Variants in ALPK1 observed in about 807,000 individuals in gnomAD.
ALPK1 encodes alpha kinase 1.
ALPK1 carries 110 observed loss-of-function variants against 120.6 expected under a neutral mutation model. The observed-to-expected ratio is 0.91, with a 90% CI of 0.78 to 1.07. The LOEUF (loss-of-function observed/expected upper bound fraction) is 1.07. Among genes scored for constraint, ALPK1 ranks in the 50% least tolerant of loss-of-function variants. ALPK1 has a pLI of 0.00. For synonymous variants in ALPK1, 582 were observed against 560.3 expected (o/e 1.04, Z -0.55); for missense variants, 1,498 against 1,483.9 (o/e 1.01, Z -0.16).
intron 3 of ALPK1, among the ~76,000 whole-genome samples, chr4:112,379,431 G>T (rs535900220): frequency 3.3e-5 from 5 of 152,252 alleles, no homozygotes; most frequent in Non-Finnish European, 7.3e-5. Flanking sequence ...CGACGGGGAA[G>T]GACGCCTCCT....
intron 5 of ALPK1, among the ~76,000 whole-genome samples, chr4:112,422,190 C>G (rs184409922): frequency 1.6e-4 from 25 of 152,312 alleles, no homozygotes; most frequent in Admixed American, 5.2e-4. Context: ...CAATTTAAAA[C>G]TTATGAATTG....
At chr4:112,408,232 T>A (rs1733285230) in intron 4 of ALPK1, among the ~76,000 whole-genome samples, 1 of 151,974 alleles carries the variant, frequency 6.6e-6, no homozygotes, top group Non-Finnish European at 1.5e-5. Context: ...ATAAGCAGGG[T>A]GGCAGGAATA....
chr4:112,346,943 T>C (rs115287417), intron 2 of ALPK1, among the ~76,000 whole-genome samples: 257 of 152,344 alleles, frequency 1.7e-3, no homozygotes, highest in African/African-American at 6.0e-3. Flanking sequence ...GGAGGAGATG[T>C]ATTTGCTTCC....
In ALPK1 at chr4:112,432,503, G is replaced by A. The variant is rs1231720298; in HGVS notation, c.2956G>A (p.Gly986Arg). 3.1e-6 allele frequency: 5 copies of A among 1,614,102 alleles called. No individual in the cohort carries two copies. Among genetic ancestry groups the A allele is most frequent in the Admixed American group, 1.7e-5 (1 of 60,008 alleles). ...QPDDFEKLLA[G>R]VRHDWLFQRL... ...TGATGACTTTGAAAAGCTGTTGGCAGGAGTGAGGCATGATTGGCTGTTTCA... is the reference window on the plus strand; with the variant it reads ...TGATGACTTTGAAAAGCTGTTGGCAAGAGTGAGGCATGATTGGCTGTTTCA... The change falls in exon 11 of 16, where the codon GGA becomes AGA. Residue 986 changes from glycine (G) to arginine (R), a missense_variant. By Grantham distance (125) the Gly-to-Arg change is moderately radical (BLOSUM62 -2). Coordinates refer to ENST00000650871, the MANE Select transcript of ALPK1 (RefSeq NM_025144.4).
chr4:112,359,061 C>A (rs1369523050), intron 2 of ALPK1: 7 of 756,454 alleles, frequency 9.3e-6, no homozygotes, highest in Non-Finnish European at 1.7e-5. Context: ...GCGGACACAG[C>A]CAGCCCTGGA....
intron 1 of ALPK1, among the ~76,000 whole-genome samples, chr4:112,313,519 T>C (rs150453952): frequency 0.046 from 7,010 of 152,266 alleles, 479 homozygotes; most frequent in African/African-American, 0.15. Context: ...GGTCAGGAGT[T>C]CGAGACCAGA....
chr4:112,437,100 A>G (rs1734818651), intron 12 of ALPK1, among the ~76,000 whole-genome samples: 1 of 152,194 alleles, frequency 6.6e-6, no homozygotes, highest in African/African-American at 2.4e-5. Flanking sequence ...CTAGGTACAC[A>G]GTAGTCAAAC....
At chr4:112,319,283 A>G (rs1017735746) in intron 2 of ALPK1, among the ~76,000 whole-genome samples, 3 of 152,122 alleles carry the variant, frequency 2.0e-5, no homozygotes, top group African/African-American at 7.2e-5. Flanking sequence ...AGAGAACATG[A>G]CCAAAGACTT....
chr4:112,390,250 C>A (rs759595449), intron 4 of ALPK1, among the ~76,000 whole-genome samples: 2 of 152,188 alleles, frequency 1.3e-5, no homozygotes, highest in Admixed American at 6.5e-5. Flanking sequence ...CACATAGCTG[C>A]TCTCCATTCC....
chr4:112,402,723 A>G (rs1732975698), intron 4 of ALPK1, among the ~76,000 whole-genome samples: 1 of 152,214 alleles, frequency 6.6e-6, no homozygotes, highest in East Asian at 1.9e-4. Context: ...ACATGATCAC[A>G]TAACAGGAAA....
chr4:112,370,145 G>A (rs1731337400), intron 2 of ALPK1, among the ~76,000 whole-genome samples: 1 of 152,096 alleles, frequency 6.6e-6, no homozygotes. Context: ...ATAATCCACT[G>A]GTTTGGTTAC....
intron 5 of ALPK1, chr4:112,423,657 C>G (rs1734099813): frequency 1.9e-6 from 1 of 529,920 alleles, no homozygotes; most frequent in Admixed American, 2.4e-5. Context: ...AAAAGTTTGC[C>G]TCTACTCCTC....
At chr4:112,359,737 G>A in intron 2 of ALPK1, 1 of 321,486 alleles carries the variant, frequency 3.1e-6, no homozygotes, top group Non-Finnish European at 6.1e-6. Flanking sequence ...GTATCTGAGT[G>A]GGGCCTCTAG....
At position 112,382,386 on chromosome 4, in the gene ALPK1, T is replaced by C; in HGVS notation, c.122-12T>C. On this transcript the variant is annotated splice_polypyrimidine_tract_variant and intron_variant, in intron 3 of 15. Transcript: ENST00000650871. ...GACTGCAATTTCCTTACCTGAACTC[T>C]GACCTTTTCAGCTTTACTCCCCAGC... 6.2e-7 allele frequency: 1 copy of C among 1,606,584 alleles called. No homozygotes were observed. The highest frequency in any genetic ancestry group is 1.1e-5 in the South Asian group (1 of 90,904).
intron 2 of ALPK1, among the ~76,000 whole-genome samples, chr4:112,320,544 T>C (rs1000104438): frequency 1.3e-5 from 2 of 152,210 alleles, no homozygotes; most frequent in Non-Finnish European, 2.9e-5. Flanking sequence ...GATGTTAGGA[T>C]GATATTGACT....
intron 2 of ALPK1, among the ~76,000 whole-genome samples, chr4:112,361,909 C>T (rs564567531): frequency 2.0e-5 from 3 of 152,366 alleles, no homozygotes; most frequent in African/African-American, 7.2e-5. Flanking sequence ...GATCACATCA[C>T]AGGACTCCGT....
chr4:112,400,504 C>T (rs569228630), intron 4 of ALPK1, among the ~76,000 whole-genome samples: 5 of 152,202 alleles, frequency 3.3e-5, no homozygotes, highest in South Asian at 2.1e-4. Context: ...TCCCAATTGC[C>T]GGGCAGTAAT....
intron 2 of ALPK1, among the ~76,000 whole-genome samples, chr4:112,350,230 C>T (rs937772449): frequency 2.6e-5 from 4 of 152,142 alleles, no homozygotes; most frequent in African/African-American, 9.7e-5. Flanking sequence ...CTACATAGTT[C>T]TATGCAAAAT....
chr4:112,440,427 T>G (rs184155180), intron 14 of ALPK1, among the ~76,000 whole-genome samples: 1 of 152,196 alleles, frequency 6.6e-6, no homozygotes, highest in African/African-American at 2.4e-5. Flanking sequence ...CTATACTTCA[T>G]GTAAATTATA....
Sources: gnomAD v4.1 joint callset for allele counts (sites outside exome capture counted in the v4.1 genomes callset) on GRCh38, gnomAD v4.1.1 for gene constraint, MANE v1.5 for transcripts, NCBI Gene and HGNC (gene_info 2026-07-23, HGNC 2026-07-21) for gene names.